BTRC: variants seen among roughly 807,000 people sequenced by gnomAD.
BTRC encodes beta-transducin repeat containing E3 ubiquitin protein ligase, also known as F-box/WD repeat-containing protein 1A.
In BTRC, 42 loss-of-function variants were observed where a neutral mutation model predicts 85.5. The ratio of observed to expected loss-of-function variants is 0.49; its 90% confidence interval spans 0.38 to 0.64. BTRC has a LOEUF of 0.64. BTRC is among the 30% of genes least tolerant of loss of function. The pLI is 0.00. For missense variants in BTRC, 594 were observed against 743.5 expected, an observed-to-expected ratio of 0.80 and a Z score of 2.34; for synonymous variants, 255 against 263.3, an observed-to-expected ratio of 0.97 and a Z score of 0.30.
At chr10:101,419,303 G>A (rs941218425) in intron 1 of BTRC, among the ~76,000 whole-genome samples, 8 of 152,102 alleles carry the variant, frequency 5.3e-5, no homozygotes, top group South Asian at 4.1e-4. Flanking sequence ...GAACCACTTC[G>A]TCTGGCCAGT....
chr10:101,364,955 C>G (rs1026312821), intron 1 of BTRC: 1 of 151,766 alleles, frequency 6.6e-6, no homozygotes, highest in East Asian at 1.9e-4. Flanking sequence ...ATATATTGTC[C>G]TCAGATAGAG....
chr10:101,457,025 T>C (rs964286504), intron 2 of BTRC, among the ~76,000 whole-genome samples: 2 of 152,214 alleles, frequency 1.3e-5, no homozygotes, highest in African/African-American at 4.8e-5. Flanking sequence ...ATGTATACTA[T>C]GTTTTTTCCT....
intron 1 of BTRC, among the ~76,000 whole-genome samples, chr10:101,384,106 G>A (rs1172621427): frequency 1.3e-5 from 2 of 152,194 alleles, no homozygotes; most frequent in Non-Finnish European, 1.5e-5. Context: ...GGTATCCATA[G>A]TGATCAGTTT....
intron 13 of BTRC, 50 bp downstream of exon 13, chr10:101,538,421 A>G (rs755004682): frequency 1.3e-5 from 19 of 1,491,536 alleles, no homozygotes; most frequent in Non-Finnish European, 1.7e-5. Flanking sequence ...GGGGGAAGAA[A>G]TTAAACGTTG....
chr10:101,461,149 G>A (rs889940281), intron 2 of BTRC, among the ~76,000 whole-genome samples: 10 of 152,090 alleles, frequency 6.6e-5, no homozygotes, highest in African/African-American at 1.7e-4. Flanking sequence ...TGATCTGCCC[G>A]CCTTGGCCTC....
intron 2 of BTRC, among the ~76,000 whole-genome samples, chr10:101,448,999 T>C (rs1216599773): frequency 6.6e-6 from 1 of 151,850 alleles, no homozygotes; most frequent in Non-Finnish European, 1.5e-5. Flanking sequence ...CACAGTATAA[T>C]AATAAGCCTA....
chr10:101,425,562 A>G (rs1944229111), intron 1 of BTRC, among the ~76,000 whole-genome samples: 1 of 152,050 alleles, frequency 6.6e-6, no homozygotes, highest in African/African-American at 2.4e-5. Context: ...AAGTTATTTA[A>G]CAGTTAACAG....
intron 14 of BTRC, among the ~76,000 whole-genome samples, chr10:101,552,320 C>A (rs887113937): frequency 6.6e-6 from 1 of 150,910 alleles, no homozygotes; most frequent in South Asian, 2.1e-4. Flanking sequence ...TCCTGAGTAC[C>A]GCGGGCACAC....
At chr10:101,394,668 G>A (rs1234148378) in intron 1 of BTRC, among the ~76,000 whole-genome samples, 1 of 152,166 alleles carries the variant, frequency 6.6e-6, no homozygotes, top group Non-Finnish European at 1.5e-5. Context: ...GAGAGTAAGG[G>A]TTAAAATTCT....
chr10:101,450,996 G>A (rs1944942639), intron 2 of BTRC, among the ~76,000 whole-genome samples: 1 of 152,092 alleles, frequency 6.6e-6, no homozygotes, highest in Non-Finnish European at 1.5e-5. Flanking sequence ...TTTTTATGAA[G>A]CTTAATGTCA....
chr10:101,554,857 G>A lies in BTRC; in HGVS notation c.*1734G>A, dbSNP rs751505095. On this transcript the variant is annotated 3_prime_UTR_variant, in exon 15 of 15. Coordinates refer to ENST00000370187, the MANE Select transcript of BTRC (RefSeq NM_033637.4). ...CCCAGCTGGTCTCCCCAGGCAAGAA[G>A]GTATCCTCTTCCCAAGGTGTACCCA... 1 of 152,158 alleles carries A rather than the reference G, an allele frequency of 6.6e-6. No individual in the cohort carries two copies. Among genetic ancestry groups the A allele is most frequent in the Non-Finnish European group, 1.5e-5 (1 of 68,030 alleles). The allele number at this position is 152,158 out of a possible 1,614,324, so 9.4% of individuals were successfully genotyped here.
rs1475254623 is a variant in BTRC, at chr10:101,531,288, C to T, written c.795C>T (p.Asn265=). Residue 265 remains asparagine, a synonymous_variant, in exon 7 of 15, where the codon AAC becomes AAT. Transcript: ENST00000370187. ...CTCCTGACGGGAATGCTCCTCCCAACTCTTTTTATAGAGCACTTTATCCTA... is the reference window on the plus strand; with the variant it reads ...CTCCTGACGGGAATGCTCCTCCCAATTCTTTTTATAGAGCACTTTATCCTA... ...NKPPDGNAPP[N]SFYRALYPKI... 18 of 1,611,526 alleles carry T rather than the reference C, an allele frequency of 1.1e-5. No homozygotes were observed. Among genetic ancestry groups the T allele is most frequent in the Non-Finnish European group, 1.5e-5 (18 of 1,177,666 alleles).
rs540786751 is a variant in BTRC, at chr10:101,508,642, T to A, written c.325-12997T>A. On this transcript the variant is annotated intron_variant, in intron 4 of 14. Coordinates refer to ENST00000370187, the MANE Select transcript of BTRC (RefSeq NM_033637.4). ...TTAAGAACTAAAAGTAGGCTGGGCGTGGTGGCTCACGCCTGTAATCCCAGC... is the reference window on the plus strand; with the variant it reads ...TTAAGAACTAAAAGTAGGCTGGGCGAGGTGGCTCACGCCTGTAATCCCAGC... Among the ~76,000 whole-genome samples the A allele has an allele frequency of 3.3e-5, 5 of 152,084 alleles. No homozygotes were observed. In the East Asian group the frequency reaches 9.7e-4, roughly 29 times the overall value.
intron 1 of BTRC, among the ~76,000 whole-genome samples, chr10:101,396,669 T>A (rs1943371737): frequency 6.6e-6 from 1 of 152,164 alleles, no homozygotes; most frequent in Non-Finnish European, 1.5e-5. Flanking sequence ...GTCTCTTGTT[T>A]GTGAAAGTCT....
intron 4 of BTRC, among the ~76,000 whole-genome samples, chr10:101,484,942 A>G (rs1004883778): frequency 6.6e-6 from 1 of 152,228 alleles, no homozygotes; most frequent in Non-Finnish European, 1.5e-5. Flanking sequence ...GACCCCTCTT[A>G]TAGACAAGAG....
chr10:101,355,014 G>C (rs563385792), intron 1 of BTRC, among the ~76,000 whole-genome samples: 29 of 152,302 alleles, frequency 1.9e-4, no homozygotes, highest in African/African-American at 6.7e-4. Context: ...CTGTAATAAG[G>C]ACAAGGTGAT....
chr10:101,394,435 C>G (rs1273314877), intron 1 of BTRC, among the ~76,000 whole-genome samples: 1 of 152,106 alleles, frequency 6.6e-6, no homozygotes, highest in African/African-American at 2.4e-5. Context: ...GTGGATTTCA[C>G]CTTGTTTCTG....
At chr10:101,522,387 A>AC (rs2062126461) in intron 5 of BTRC, among the ~76,000 whole-genome samples, 4 of 137,622 alleles carry the variant, frequency 2.9e-5, no homozygotes, top group African/African-American at 7.8e-5. Flanking sequence ...CAAAAAAAAA[A>AC]AAACTCTAGA....
chr10:101,444,520 T>C (rs564000211), intron 2 of BTRC, among the ~76,000 whole-genome samples: 27 of 152,206 alleles, frequency 1.8e-4, no homozygotes, highest in Non-Finnish European at 3.2e-4. Flanking sequence ...GCCATAGTGC[T>C]GTAGTGTTAA....
Sources: allele counts gnomAD v4.1 joint callset (sites outside exome capture counted in the v4.1 genomes callset), GRCh38; gene constraint gnomAD v4.1.1; transcripts MANE v1.5; gene names NCBI Gene and HGNC (gene_info 2026-07-23, HGNC 2026-07-21).